NFATC2: variants seen among roughly 807,000 people sequenced by gnomAD.
The protein encoded by NFATC2 is nuclear factor of activated T-cells, cytoplasmic 2.
A neutral mutation model predicts 87.3 loss-of-function variants in NFATC2; 22 were observed. The ratio of observed to expected loss-of-function variants is 0.25; its 90% CI spans 0.18 to 0.36. The LOEUF (loss-of-function observed/expected upper bound fraction) is 0.36, where lower values mean the gene tolerates loss of function less well. Among genes scored for constraint, NFATC2 ranks in the 10% least tolerant of loss-of-function variants. NFATC2 has a pLI of 1.00. For synonymous variants in NFATC2, 565 were observed against 542.2 expected (o/e 1.04, Z -0.58); for missense variants, 1,149 against 1,259.1 (o/e 0.91, Z 1.32).
chr20:51,485,810 C>T (rs978409117), intron 3 of NFATC2, among the ~76,000 whole-genome samples: 2 of 152,098 alleles, frequency 1.3e-5, no homozygotes, highest in African/African-American at 2.4e-5. Flanking sequence ...ATGTCACAAG[C>T]AATCAATATT....
chr20:51,459,765 G>T (rs1369575414), intron 5 of NFATC2, among the ~76,000 whole-genome samples: 1 of 152,122 alleles, frequency 6.6e-6, no homozygotes, highest in Admixed American at 6.6e-5. Context: ...TGTAATCCCG[G>T]CTACTTGGGT....
rs182862123 is a variant in NFATC2, at chr20:51,555,572, C to T, written c.70+6988G>A. 4.6e-3 allele frequency among the ~76,000 whole-genome samples: 694 copies of T among 150,748 alleles called. 4 individuals carry two copies. The highest frequency in any genetic ancestry group is 7.3e-3 in the Non-Finnish European group (496 of 67,694). ...TGCCGCCATTGCACTCCAGCCTGGG[C>T]GACAGAGTGAGACTCCATCTCAAAA... On this transcript the variant is annotated intron_variant, in intron 1 of 10. Transcript: ENST00000414705.
At chr20:51,431,833 AG>A (rs1982759761) in intron 9 of NFATC2, among the ~76,000 whole-genome samples, 3 of 151,980 alleles carry the variant, frequency 2.0e-5, no homozygotes, top group African/African-American at 7.2e-5. Flanking sequence ...GCGATTCTGG[AG>A]GGGGGCATCT....
Position 51,435,703 on chromosome 20 carries a change from T to C in NFATC2, c.1905+3A>G. 1 of 1,609,148 alleles carries C rather than the reference T, an allele frequency of 6.2e-7. No homozygotes were observed. The highest frequency in any genetic ancestry group is 1.3e-5 in the African/African-American group (1 of 74,992). On this transcript the variant is annotated splice_donor_region_variant and intron_variant, in intron 7 of 10. Coordinates refer to ENST00000371564, the MANE Select transcript of NFATC2 (RefSeq NM_012340.5). ...GAGACACTCAGGTGCGTCACGTGCT[T>C]ACGGGCTGGCTCTTGTCCTTATCCA...
chr20:51,537,166 A>G (rs1173892326), intron 1 of NFATC2, among the ~76,000 whole-genome samples: 1 of 150,290 alleles, frequency 6.7e-6, no homozygotes, highest in Non-Finnish European at 1.5e-5. Flanking sequence ...AATGGGACAC[A>G]GAAGGGTCTG....
At position 51,388,179 on chromosome 20, in the gene NFATC2, C is replaced by A. The variant is rs962326927; in HGVS notation, c.*3317G>T. 1 of 152,170 alleles carries A rather than the reference C, an allele frequency of 6.6e-6. No individual in the cohort carries two copies. The highest frequency in any genetic ancestry group is 1.5e-5 in the Non-Finnish European group (1 of 68,020). 9.4% of individuals were successfully genotyped at this position (152,170 alleles called of 1,614,324 possible). On this transcript the variant is annotated 3_prime_UTR_variant, in exon 11 of 11. Coordinates refer to ENST00000371564, the MANE Select transcript of NFATC2 (RefSeq NM_012340.5). ...TAGCCTGAACGTTGAGTTCTGTGAACATGAATTCTTTTCGAATTCCATTAC... is the reference window on the plus strand; with the variant it reads ...TAGCCTGAACGTTGAGTTCTGTGAAAATGAATTCTTTTCGAATTCCATTAC...
At chr20:51,462,934 G>A (rs1310943697) in intron 5 of NFATC2, among the ~76,000 whole-genome samples, 5 of 152,330 alleles carry the variant, frequency 3.3e-5, no homozygotes, top group Middle Eastern at 3.4e-3. Flanking sequence ...GCAGTGAAAC[G>A]GAGGACTTCG....
At position 51,405,651 on chromosome 20, in the gene NFATC2, C is replaced by T. The variant is rs117461080; in HGVS notation, c.2723-6921G>A. 1.0e-2 allele frequency among the ~76,000 whole-genome samples: 1,518 copies of T among 152,236 alleles called. 15 individuals are homozygous for T. Among genetic ancestry groups the T allele is most frequent in the Non-Finnish European group, 0.014 (966 of 68,018 alleles). ...ACCAACCTCTCACTGGTTGGTAATACCCTCATTAAGGCACAGACCTCATCT... is the reference window on the plus strand; with the variant it reads ...ACCAACCTCTCACTGGTTGGTAATATCCTCATTAAGGCACAGACCTCATCT... On this transcript the variant is annotated intron_variant, in intron 9 of 10. Transcript: ENST00000371564.
At chr20:51,515,200 G>A (rs1045113589) in intron 3 of NFATC2, among the ~76,000 whole-genome samples, 6 of 152,228 alleles carry the variant, frequency 3.9e-5, no homozygotes, top group Non-Finnish European at 5.9e-5. Context: ...GGGCTGGGCT[G>A]TGTAAGCACA....
chr20:51,406,037 A>T (rs568512542), intron 9 of NFATC2, among the ~76,000 whole-genome samples: 45 of 152,320 alleles, frequency 3.0e-4, no homozygotes, highest in African/African-American at 1.1e-3. Context: ...TTGGCCTCCC[A>T]AAGTGCTGGG....
chr20:51,492,707 G>A (rs763561669), intron 3 of NFATC2, among the ~76,000 whole-genome samples: 3 of 152,230 alleles, frequency 2.0e-5, no homozygotes, highest in Non-Finnish European at 2.9e-5. Context: ...GGAGGCGGCC[G>A]GGGCTCCATG....
In NFATC2 at chr20:51,523,813, G is replaced by A. The variant is rs2076495111; in HGVS notation, c.428C>T (p.Ala143Val). The change falls in exon 2 of 11, where the codon GCC (alanine) becomes GTC (valine). Residue 143 changes from alanine (A) to valine (V), a missense_variant. Physicochemically the swap from Ala to Val is moderately conservative, Grantham distance 64 (BLOSUM62 0). Coordinates refer to ENST00000371564, the MANE Select transcript of NFATC2 (RefSeq NM_012340.5). This position sits in a 1 kb window ranked among gnomAD's most constrained non-coding sequence, Gnocchi z 6.9. ...AGLLVEQPPL[A>V]GVAASPRFTL... ...GAACCTCGGGCTGGCGGCCACCCCG[G>A]CCAGGGGCGGCTGCTCCACCAGGAG... 3 of 1,608,784 alleles carry A rather than the reference G, an allele frequency of 1.9e-6. No individual in the cohort carries two copies. The highest frequency in any genetic ancestry group is 3.4e-5 in the Admixed American group (2 of 59,392).
At chr20:51,407,315 C>A (rs1448970123) in intron 9 of NFATC2, among the ~76,000 whole-genome samples, 1 of 152,176 alleles carries the variant, frequency 6.6e-6, no homozygotes, top group East Asian at 1.9e-4. Context: ...ACACTTGGCA[C>A]CCCCAGTTTT....
chr20:51,463,123 G>A (rs1233568089), intron 5 of NFATC2, among the ~76,000 whole-genome samples: 2 of 152,230 alleles, frequency 1.3e-5, no homozygotes, highest in Non-Finnish European at 1.5e-5. Flanking sequence ...GGCCCAGAAT[G>A]TGCTGCCGAC....
chr20:51,467,066 T>TA, intron 5 of NFATC2, among the ~76,000 whole-genome samples: 1 of 113,322 alleles, frequency 8.8e-6, no homozygotes, highest in South Asian at 2.6e-4. Context: ...GAGCGAGACT[T>TA]AGTCTCAAAA....
At chr20:51,491,054 C>T (rs1188776995) in intron 3 of NFATC2, among the ~76,000 whole-genome samples, 1 of 152,140 alleles carries the variant, frequency 6.6e-6, no homozygotes, top group African/African-American at 2.4e-5. Context: ...CAAAAGGACC[C>T]AAGGAGGTCT....
intron 3 of NFATC2, among the ~76,000 whole-genome samples, chr20:51,513,984 C>A (rs1049788336): frequency 2.0e-5 from 3 of 152,238 alleles, no homozygotes; most frequent in Non-Finnish European, 2.9e-5. Flanking sequence ...CCAGCTCCAC[C>A]ATTTAATAGC....
intron 2 of NFATC2, among the ~76,000 whole-genome samples, chr20:51,520,464 G>A (rs1006230692): frequency 4.1e-5 from 6 of 147,066 alleles, no homozygotes; most frequent in South Asian, 4.3e-4. Flanking sequence ...GTCCATTTCC[G>A]TGTGGTACGG....
intron 3 of NFATC2, among the ~76,000 whole-genome samples, chr20:51,487,598 C>G (rs150192499): frequency 4.7e-4 from 72 of 152,354 alleles, no homozygotes; most frequent in African/African-American, 1.6e-3. Flanking sequence ...GGCCTCTCCT[C>G]TTTCACTACA....
Sources: allele counts gnomAD v4.1 joint callset (sites outside exome capture counted in the v4.1 genomes callset), GRCh38; gene constraint gnomAD v4.1.1; non-coding constraint Gnocchi (gnomAD v3.1); transcripts MANE v1.5; gene names NCBI Gene and HGNC (gene_info 2026-07-23, HGNC 2026-07-21).